CSMD1: variants seen among roughly 807,000 people sequenced by gnomAD.
The protein encoded by CSMD1 is CUB and sushi domain-containing protein 1.
A neutral mutation model predicts 417.5 loss-of-function variants in CSMD1; 213 were observed. The ratio of observed to expected loss-of-function variants is 0.51; its 90% CI spans 0.46 to 0.57. The LOEUF (loss-of-function observed/expected upper bound fraction) is 0.57, where lower values mean the gene tolerates loss of function less well. Among genes scored for constraint, CSMD1 ranks in the 20% least tolerant of loss-of-function variants. The pLI is 0.00. For missense variants in CSMD1, 6,923 were observed against 4,529.7 expected (o/e 1.53, Z -15.17); for synonymous variants, 2,862 against 1,736.8 (o/e 1.65, Z -16.11).
intron 3 of CSMD1, among the ~76,000 whole-genome samples, chr8:4,387,542 G>A (rs1255546076): frequency 2.6e-4 from 17 of 65,440 alleles, no homozygotes; most frequent in Admixed American, 1.5e-3. Context: ...TTTACAACAC[G>A]CAGAAGAGAT....
chr8:4,612,657 T>A (rs749266357), intron 2 of CSMD1, among the ~76,000 whole-genome samples: 3 of 152,132 alleles, frequency 2.0e-5, no homozygotes, highest in South Asian at 2.1e-4. Context: ...GCCTTCTCCA[T>A]CTACTCAACT....
intron 2 of CSMD1, among the ~76,000 whole-genome samples, chr8:4,529,754 G>A (rs1485033147): frequency 6.6e-6 from 1 of 151,848 alleles, no homozygotes; most frequent in Non-Finnish European, 1.5e-5. Flanking sequence ...CTATAAAGCG[G>A]TCCTGACAGC....
chr8:4,029,924 G>A (rs184257717), intron 4 of CSMD1, among the ~76,000 whole-genome samples: 3 of 152,260 alleles, frequency 2.0e-5, no homozygotes, highest in South Asian at 4.1e-4. Context: ...CTGGCCCTAT[G>A]TAAGTATAGA....
intron 37 of CSMD1, among the ~76,000 whole-genome samples, chr8:3,178,859 T>C (rs1263658730): frequency 6.6e-6 from 1 of 152,182 alleles, no homozygotes; most frequent in Admixed American, 6.5e-5. Context: ...TCAGAAAATC[T>C]TTTGGCGATT....
intron 10 of CSMD1, among the ~76,000 whole-genome samples, chr8:3,560,915 T>C (rs1367000244): frequency 1.3e-5 from 2 of 152,198 alleles, no homozygotes; most frequent in Admixed American, 6.5e-5. Flanking sequence ...ACTTCCATGT[T>C]ACAGACGCCT....
At chr8:3,545,753 A>G (rs932168720) in intron 10 of CSMD1, among the ~76,000 whole-genome samples, 10 of 152,352 alleles carry the variant, frequency 6.6e-5, no homozygotes, top group Non-Finnish European at 1.0e-4. Flanking sequence ...GGGCTACTGG[A>G]ATCTCAAATA....
intron 11 of CSMD1, among the ~76,000 whole-genome samples, chr8:3,484,844 T>C (rs568636473): frequency 6.2e-4 from 94 of 152,262 alleles, no homozygotes; most frequent in African/African-American, 2.1e-3. Context: ...TCATTAGCCA[T>C]CAGGAAAATG....
At chr8:3,942,904 CT>C (rs745399545) in intron 5 of CSMD1, among the ~76,000 whole-genome samples, 29 of 151,998 alleles carry the variant, frequency 1.9e-4, no homozygotes, top group African/African-American at 4.6e-4. Context: ...CATTGTGATA[CT>C]TTTTTTTGTC....
At chr8:3,289,470 T>C (rs374380963) in intron 25 of CSMD1, among the ~76,000 whole-genome samples, 14 of 147,506 alleles carry the variant, frequency 9.5e-5, no homozygotes, top group South Asian at 2.1e-4. Flanking sequence ...TATTTCTCCA[T>C]ATCCTCTCCA....
At chr8:4,590,335 C>T (rs1799922837) in intron 2 of CSMD1, among the ~76,000 whole-genome samples, 1 of 152,090 alleles carries the variant, frequency 6.6e-6, no homozygotes, top group South Asian at 2.1e-4. Context: ...ACAAAAGTCA[C>T]ATCCAGAATA....
At chr8:4,309,058 T>C in intron 3 of CSMD1, among the ~76,000 whole-genome samples, 1 of 152,140 alleles carries the variant, frequency 6.6e-6, no homozygotes, top group East Asian at 1.9e-4. Context: ...CTATATTACT[T>C]TTTATTATTT....
chr8:4,020,629 T>A (rs1331081516), intron 4 of CSMD1, among the ~76,000 whole-genome samples: 1 of 152,168 alleles, frequency 6.6e-6, no homozygotes, highest in African/African-American at 2.4e-5. Flanking sequence ...GTCCCTAGAA[T>A]CACTCTTCTT....
At chr8:3,108,855 T>G in intron 43 of CSMD1, 107 bp from the exon 44 acceptor site, 2 of 1,103,212 alleles carry the variant, frequency 1.8e-6, no homozygotes, top group Non-Finnish European at 2.6e-6. Flanking sequence ...CAATAAAACA[T>G]ATGCATTCTC....
intron 3 of CSMD1, among the ~76,000 whole-genome samples, chr8:4,326,128 T>A (rs1462366441): frequency 6.6e-6 from 1 of 152,164 alleles, no homozygotes; most frequent in African/African-American, 2.4e-5. Context: ...ACCGTCAGCG[T>A]TTCTGAAATA....
Position 3,310,693 on chromosome 8 carries a change from T to C in CSMD1, c.3632-2190A>G, listed in dbSNP as rs561493917. On this transcript the variant is annotated intron_variant, in intron 23 of 69. Coordinates refer to ENST00000635120, the MANE Select transcript of CSMD1 (RefSeq NM_033225.6). ...GATCCTGGGAAAACTTAAAAATCTT[T>C]TTGAGGGGTGAGGGCCGCCCATGCT... Among the ~76,000 whole-genome samples the C allele has an allele frequency of 9.2e-5, 14 of 152,168 alleles. No homozygotes were observed. The South Asian group carries it at 2.7e-3, about 29-fold the overall frequency.
At chr8:3,288,866 T>C (rs903141871) in intron 25 of CSMD1, among the ~76,000 whole-genome samples, 1 of 147,122 alleles carries the variant, frequency 6.8e-6, no homozygotes. Flanking sequence ...AGGGTACATG[T>C]GCACAACCTA....
rs1261188716 is a variant in CSMD1, at chr8:4,332,604, CACAG to C, written c.415+87345_415+87348del. Among the ~76,000 whole-genome samples, 133 of 111,718 alleles carry C rather than the reference CACAG, an allele frequency of 1.2e-3. 1 individual carries two copies. The highest frequency in any genetic ancestry group is 9.3e-3 in the Middle Eastern group (2 of 216). 73.3% of individuals were successfully genotyped at this position (111,718 alleles called of 152,430 possible). On this transcript the variant is annotated intron_variant, in intron 3 of 69. Transcript: ENST00000635120. ...ACACACACACACACACACACACACA[CACAG>C]AGTCATATGCAGAGACATTCAGATA...
At chr8:3,884,116 A>C (rs549340279) in intron 5 of CSMD1, among the ~76,000 whole-genome samples, 1 of 152,202 alleles carries the variant, frequency 6.6e-6, no homozygotes, top group South Asian at 2.1e-4. Context: ...AGTAATTAAC[A>C]ATGTCAGTTT....
intron 1 of CSMD1, among the ~76,000 whole-genome samples, chr8:4,779,590 C>G (rs1402887838): frequency 6.6e-6 from 1 of 152,208 alleles, no homozygotes; most frequent in Non-Finnish European, 1.5e-5. Context: ...CTCAAAGGAA[C>G]ACAGGAAGCA....
Sources: allele counts gnomAD v4.1 joint callset (sites outside exome capture counted in the v4.1 genomes callset), GRCh38; gene constraint gnomAD v4.1.1; transcripts MANE v1.5; gene names NCBI Gene and HGNC (gene_info 2026-07-23, HGNC 2026-07-21).